The following NUS1 variants were observed in gnomAD, a reference collection of about 807,000 sequenced individuals.
NUS1 encodes NUS1 dehydrodolichyl diphosphate synthase subunit.
For missense variants in NUS1, 292 were observed against 382.9 expected, an observed-to-expected ratio of 0.76 and a Z score of 1.98; for synonymous variants, 135 against 155.2, an observed-to-expected ratio of 0.87 and a Z score of 0.97.
rs1236328961 is a variant in NUS1, at chr6:117,691,552, G to GATATATATATATAT, written c.416-1485_416-1484insTATATATATATATA. ...TATATTCAGCAGGTTCTGTGCCATA[G>GATATATATATATAT]ATATAGATATATATATATATATATA... On this transcript the variant is annotated intron_variant, in intron 1 of 4. Coordinates refer to ENST00000368494, the MANE Select transcript of NUS1 (RefSeq NM_138459.5). 9.7e-3 allele frequency among the ~76,000 whole-genome samples: 362 copies of GATATATATATATAT among 37,424 alleles called. 2 individuals carry two copies. Among genetic ancestry groups the GATATATATATATAT allele is most frequent in the Non-Finnish European group, 0.019 (278 of 14,930 alleles). The allele number at this position is 37,424 out of a possible 152,430, so 24.6% of individuals were successfully genotyped here. A position where few individuals can be genotyped will look rare whatever the true frequency, so the allele number is the denominator to read the frequency against.
intron 3 of NUS1, among the ~76,000 whole-genome samples, chr6:117,695,724 T>C (rs552966726): frequency 4.2e-4 from 64 of 152,290 alleles, no homozygotes; most frequent in African/African-American, 1.4e-3. Context: ...TAGTCCCCAC[T>C]CCTGCCCCCT....
chr6:117,681,487 TA>T (rs1344155878), intron 1 of NUS1, among the ~76,000 whole-genome samples: 2 of 152,178 alleles, frequency 1.3e-5, no homozygotes, highest in Non-Finnish European at 2.9e-5. Context: ...AGCCTTAAAG[TA>T]ATGGAGGAAA....
At chr6:117,690,713 T>C (rs188451820) in intron 1 of NUS1, among the ~76,000 whole-genome samples, 5 of 152,242 alleles carry the variant, frequency 3.3e-5, no homozygotes, top group African/African-American at 9.6e-5. Flanking sequence ...TGTTATCGGC[T>C]GGGTGTGGTG....
At chr6:117,678,137 G>A (rs1002573559) in intron 1 of NUS1, among the ~76,000 whole-genome samples, 2 of 152,170 alleles carry the variant, frequency 1.3e-5, no homozygotes, top group Non-Finnish European at 2.9e-5. Flanking sequence ...GTAATTAAAA[G>A]GAAGAAGTAA....
At chr6:117,676,590 TAAATAAATAA>T (rs1197707644) in intron 1 of NUS1, among the ~76,000 whole-genome samples, 1 of 151,992 alleles carries the variant, frequency 6.6e-6, no homozygotes, top group African/African-American at 2.4e-5. Context: ...AATAAGTAAA[TAAATAAATAA>T]AAATAAATAA....
chr6:117,685,336 C>T (rs1298508552), intron 1 of NUS1, among the ~76,000 whole-genome samples: 2 of 150,796 alleles, frequency 1.3e-5, no homozygotes, highest in African/African-American at 2.4e-5. Flanking sequence ...AAGATTTTCT[C>T]GTGTGTGTTT....
intron 3 of NUS1, among the ~76,000 whole-genome samples, chr6:117,695,968 T>C (rs1773312697): frequency 2.0e-5 from 3 of 152,178 alleles, no homozygotes; most frequent in Admixed American, 2.0e-4. Context: ...CACATGTGGT[T>C]TGTTTCCAGT....
At chr6:117,676,197 A>G (rs1171530073) in intron 1 of NUS1, 112 bp downstream of exon 1, 4 of 1,482,316 alleles carry the variant, frequency 2.7e-6, no homozygotes, top group Non-Finnish European at 3.6e-6. Flanking sequence ...TGCAAATCAC[A>G]GCGCTAGCGC....
intron 2 of NUS1, among the ~76,000 whole-genome samples, chr6:117,693,736 GCC>G (rs1214405574): frequency 1.3e-5 from 2 of 152,136 alleles, no homozygotes; most frequent in East Asian, 1.9e-4. Context: ...TTGTTAGCTA[GCC>G]TATAAAGTTT....
chr6:117,686,033 G>A (rs902508353), intron 1 of NUS1, among the ~76,000 whole-genome samples: 17 of 151,322 alleles, frequency 1.1e-4, no homozygotes, highest in Admixed American at 2.6e-4. Flanking sequence ...AGGCTGAGGC[G>A]GGCGGATCAT....
chr6:117,707,151 A>AG lies in NUS1; in HGVS notation c.*137dup, dbSNP rs1773512291. The AG allele has an allele frequency of 1.3e-6, 1 of 770,220 alleles. No homozygotes were observed. Among genetic ancestry groups the AG allele is most frequent in the Non-Finnish European group, 2.2e-6 (1 of 462,530 alleles). The allele number at this position is 770,220 out of a possible 1,614,324, so 47.7% of individuals were successfully genotyped here. A position where few individuals can be genotyped will look rare whatever the true frequency, so the allele number is the denominator to read the frequency against. ...CATAATTTATCAACAAACACAAAAA[A>AG]GTGTCTTACTTGAGAGTGAGTGTGT... is the stretch of plus-strand genomic sequence containing the variant. On this transcript the variant is annotated 3_prime_UTR_variant, in exon 5 of 5. Coordinates refer to ENST00000368494, the MANE Select transcript of NUS1 (RefSeq NM_138459.5).
rs1269618358 is a variant in NUS1 at position 117,675,866 on chromosome 6, C to A, written c.196C>A (p.Arg66Ser). ...LRKPPAVGRN[R>S]RHHRHPRGGS... is the part of the protein sequence containing the mutation. ...CAAGCCCCCGGCAGTCGGCAGGAACCGCCGTCACCACCGGCACCCGCGCGG... is the reference window on the plus strand; with the variant it reads ...CAAGCCCCCGGCAGTCGGCAGGAACAGCCGTCACCACCGGCACCCGCGCGG... The change falls in exon 1 of 5, where the codon CGC becomes AGC. Residue 66 changes from arginine to serine, a missense_variant. Physicochemically the swap from Arg to Ser is moderately radical, Grantham distance 110. Coordinates refer to ENST00000368494, the MANE Select transcript of NUS1 (RefSeq NM_138459.5). 3 of 1,532,952 alleles carry A rather than the reference C, an allele frequency of 2.0e-6. No homozygotes were observed. Among genetic ancestry groups the A allele is most frequent in the African/African-American group, 2.8e-5 (2 of 72,654 alleles). The allele number at this position is 1,532,952 out of a possible 1,614,324, so 95.0% of individuals were successfully genotyped here.
intron 4 of NUS1, among the ~76,000 whole-genome samples, chr6:117,705,808 A>G (rs1192134624): frequency 6.6e-6 from 1 of 152,166 alleles, no homozygotes; most frequent in Non-Finnish European, 1.5e-5. Flanking sequence ...AGCAAGAATA[A>G]TGCATTAAAT....
intron 4 of NUS1, 45 bp from the exon 5 acceptor site, chr6:117,706,880 C>T (rs1773508259): frequency 6.9e-7 from 1 of 1,451,878 alleles, no homozygotes. Context: ...CCCTACATTA[C>T]AGTGTATATC....
chr6:117,686,201 A>G (rs1773137400), intron 1 of NUS1, among the ~76,000 whole-genome samples: 1 of 151,904 alleles, frequency 6.6e-6, no homozygotes, highest in South Asian at 2.1e-4. Flanking sequence ...AAGAGCTTGC[A>G]GTGAGCCGAG....
In NUS1 at chr6:117,707,976, A is replaced by T. The variant is rs1362344185; in HGVS notation, c.*961A>T. ...CAAAGTTCTTTTAAAAAATATTTCC[A>T]TCAACCATTTTTATTTAAAATAAAC... On this transcript the variant is annotated 3_prime_UTR_variant, in exon 5 of 5. Transcript: ENST00000368494. The T allele has an allele frequency of 6.6e-6, 1 of 152,170 alleles. No homozygotes were observed. Among genetic ancestry groups the T allele is most frequent in the Non-Finnish European group, 1.5e-5 (1 of 68,010 alleles). The allele number at this position is 152,170 out of a possible 1,614,324, so 9.4% of individuals were successfully genotyped here.
At chr6:117,693,275 T>A (rs906483945) in intron 2 of NUS1, 108 bp downstream of exon 2, 2 of 1,133,668 alleles carry the variant, frequency 1.8e-6, no homozygotes, top group African/African-American at 1.6e-5. Context: ...GCTCTGTTAC[T>A]CTTTATTGTC....
rs1399521326 is a variant in NUS1 at position 117,676,081 on chromosome 6, C to T, written c.411C>T (p.His137=). The change falls in exon 1 of 5, where the codon CAC becomes CAT. Residue 137 remains histidine, a synonymous_variant. Coordinates refer to ENST00000368494, the MANE Select transcript of NUS1 (RefSeq NM_138459.5). ...VGISYISVYD[H]QGIFKRNNSR... is the part of the protein sequence containing the mutation. ...TCTCCTACATTAGCGTCTACGACCACCAAGGTGAGGCCCGGTGCGGTGGTG... is the reference window on the plus strand; with the variant it reads ...TCTCCTACATTAGCGTCTACGACCATCAAGGTGAGGCCCGGTGCGGTGGTG... 16 of 1,550,954 alleles carry T rather than the reference C, an allele frequency of 1.0e-5. No homozygotes were observed. Among genetic ancestry groups the T allele is most frequent in the Non-Finnish European group, 1.4e-5 (16 of 1,147,284 alleles).
intron 3 of NUS1, among the ~76,000 whole-genome samples, chr6:117,697,618 A>G (rs1302977731): frequency 2.0e-5 from 3 of 152,112 alleles, no homozygotes; most frequent in Non-Finnish European, 4.4e-5. Flanking sequence ...ACAGTTGTAA[A>G]TACATATGCA....
Sources: gnomAD v4.1 joint callset for allele counts (sites outside exome capture counted in the v4.1 genomes callset) on GRCh38, gnomAD v4.1.1 for gene constraint, MANE v1.5 for transcripts, NCBI Gene and HGNC (gene_info 2026-07-23, HGNC 2026-07-21) for gene names.